The following SDHAF3 variants were observed in gnomAD, a reference collection of about 807,000 sequenced individuals.
SDHAF3 encodes the protein succinate dehydrogenase complex assembly factor 3.
Under a neutral mutation model 11.5 loss-of-function variants are expected in SDHAF3, and 18 were observed. The observed-to-expected ratio is 1.56, with a 90% confidence interval of 1.08 to 2.32. The LOEUF (loss-of-function observed/expected upper bound fraction) is 2.32, where lower values mean the gene tolerates loss of function less well. SDHAF3 is among the 30% of genes most tolerant of loss of function. The probability of loss-of-function intolerance (pLI) is 0.00; values close to 1 mark genes in which losing one functional copy is unlikely to be tolerated. For synonymous variants in SDHAF3, 72 were observed against 59.3 expected, an observed-to-expected ratio of 1.21 and a Z score of -0.99; for missense variants, 200 against 154.4, an observed-to-expected ratio of 1.30 and a Z score of -1.57.
chr7:97,135,600 T>A (rs960650455), intron 1 of SDHAF3: 6 of 142,000 alleles, frequency 4.2e-5, no homozygotes, highest in African/African-American at 1.6e-4. Flanking sequence ...TGTGTGTGTG[T>A]GTCTGTGTGT....
intron 1 of SDHAF3, among the ~76,000 whole-genome samples, chr7:97,166,332 G>T (rs1447710407): frequency 1.3e-5 from 2 of 152,284 alleles, no homozygotes; most frequent in African/African-American, 2.4e-5. Context: ...ATGTACATTG[G>T]TTCAGTCTGG....
rs537116082 is a variant in SDHAF3, at chr7:97,123,593, G to C, written c.174+5696G>C. ...CACACTGTCTTCCACAATGGTTGAAGTAATTTACACTCCCACCAACAGTGT... is the reference window on the plus strand; with the variant it reads ...CACACTGTCTTCCACAATGGTTGAACTAATTTACACTCCCACCAACAGTGT... On this transcript the variant is annotated intron_variant, in intron 1 of 1. Transcript: ENST00000432641. Among the ~76,000 whole-genome samples the C allele has an allele frequency of 9.7e-4, 147 of 152,204 alleles. 1 individual carries two copies. The highest frequency in any genetic ancestry group is 3.4e-3 in the African/African-American group (141 of 41,546).
chr7:97,117,786 T>C lies in SDHAF3; in HGVS notation c.63T>C (p.Arg21=), dbSNP rs746874065. Residue 21 remains arginine, a synonymous_variant, in exon 1 of 2, where the codon CGT becomes CGC. Coordinates refer to ENST00000432641, the MANE Select transcript of SDHAF3 (RefSeq NM_020186.3). ...ALYKRVLQLH[R]VLPPDLKSLG... is the part of the protein sequence containing the mutation. ...ACAAGCGCGTCTTGCAGCTGCACCGTGTTCTGCCCCCGGACCTCAAATCCC... is the reference window on the plus strand; with the variant it reads ...ACAAGCGCGTCTTGCAGCTGCACCGCGTTCTGCCCCCGGACCTCAAATCCC... The C allele has an allele frequency of 6.2e-7, 1 of 1,614,180 alleles. No individual in the cohort carries two copies. Among genetic ancestry groups the C allele is most frequent in the South Asian group, 1.1e-5 (1 of 91,086 alleles).
intron 1 of SDHAF3, among the ~76,000 whole-genome samples, chr7:97,154,304 A>T (rs373182418): frequency 1.3e-5 from 2 of 152,178 alleles, no homozygotes; most frequent in South Asian, 4.1e-4. Flanking sequence ...TCTTTTGTGG[A>T]TCTTCATTTG....
rs1171529073 is a variant in SDHAF3, at chr7:97,162,518, TG to T, written c.175-18491del. On this transcript the variant is annotated intron_variant, in intron 1 of 1. Transcript: ENST00000432641. ...TTTAGATCTTTCCTGCTTTCTCTTG[TG>T]GGCATTTAGTGCCATAAATTTCCCT... Among the ~76,000 whole-genome samples the T allele has an allele frequency of 2.0e-5, 3 of 152,346 alleles. No homozygotes were observed. In the East Asian group the frequency reaches 5.8e-4, roughly 29 times the overall value.
chr7:97,179,575 G>A (rs1039005954), intron 1 of SDHAF3, among the ~76,000 whole-genome samples: 1 of 150,086 alleles, frequency 6.7e-6, no homozygotes, highest in African/African-American at 2.5e-5. Context: ...TTTTTGCCTT[G>A]CCAGGAAACC....
At chr7:97,144,173 G>A (rs1789101887) in intron 1 of SDHAF3, among the ~76,000 whole-genome samples, 1 of 150,654 alleles carries the variant, frequency 6.6e-6, no homozygotes, top group Admixed American at 6.7e-5. Flanking sequence ...TACTCTTTTT[G>A]ATGGGATTGT....
chr7:97,134,567 C>T (rs1158118506), intron 1 of SDHAF3, among the ~76,000 whole-genome samples: 1 of 152,114 alleles, frequency 6.6e-6, no homozygotes, highest in African/African-American at 2.4e-5. Flanking sequence ...CTGCCTCAGC[C>T]CCCCAAGTAG....
chr7:97,134,682 G>T (rs1209371749), intron 1 of SDHAF3, among the ~76,000 whole-genome samples: 1 of 152,176 alleles, frequency 6.6e-6, no homozygotes, highest in Non-Finnish European at 1.5e-5. Flanking sequence ...CCTGACCTCA[G>T]ATGACCCGTC....
At chr7:97,125,698 C>T (rs763598657) in intron 1 of SDHAF3, among the ~76,000 whole-genome samples, 2 of 152,094 alleles carry the variant, frequency 1.3e-5, no homozygotes, top group African/African-American at 4.8e-5. Context: ...CATTTATGTT[C>T]TTCTCTAAAC....
chr7:97,173,064 A>T lies in SDHAF3; in HGVS notation c.175-7948A>T, dbSNP rs554484651. The stretch of plus-strand genomic sequence containing the variant: ...CCTAGATACTTTGCATAGGCAGTTC[A>T]CAATAGGGTTCATGCTCCTGTAAGA... On this transcript the variant is annotated intron_variant, in intron 1 of 1. Transcript: ENST00000432641. Among the ~76,000 whole-genome samples, 156 of 152,294 alleles carry T rather than the reference A, an allele frequency of 1.0e-3. 1 individual carries two copies. Among genetic ancestry groups the T allele is most frequent in the African/African-American group, 3.7e-3 (153 of 41,564 alleles).
intron 1 of SDHAF3, among the ~76,000 whole-genome samples, chr7:97,130,154 C>T (rs1439004611): frequency 6.6e-6 from 1 of 151,942 alleles, no homozygotes; most frequent in East Asian, 1.9e-4. Flanking sequence ...TGCCTGTAAT[C>T]CCAGCTACTC....
intron 1 of SDHAF3, among the ~76,000 whole-genome samples, chr7:97,132,163 A>G (rs544938516): frequency 7.2e-5 from 11 of 152,296 alleles, no homozygotes; most frequent in Admixed American, 2.0e-4. Context: ...TCTTTTTCAC[A>G]AAGGACTTGA....
intron 1 of SDHAF3, chr7:97,136,437 T>C: frequency 1.5e-6 from 1 of 654,216 alleles, no homozygotes; most frequent in Non-Finnish European, 2.8e-6. Context: ...AATTTCTGTT[T>C]CATGTGAAGA....
At chr7:97,146,931 C>T (rs919027655) in intron 1 of SDHAF3, among the ~76,000 whole-genome samples, 5 of 151,882 alleles carry the variant, frequency 3.3e-5, no homozygotes, top group South Asian at 4.2e-4. Context: ...TTAGTAGAGA[C>T]GGGGTTTCAC....
chr7:97,134,666 T>C (rs1791721187), intron 1 of SDHAF3, among the ~76,000 whole-genome samples: 1 of 152,160 alleles, frequency 6.6e-6, no homozygotes, highest in Admixed American at 6.6e-5. Context: ...AGGCTGGTCT[T>C]GAACTCCTGA....
chr7:97,136,466 C>A, intron 1 of SDHAF3: 1 of 649,602 alleles, frequency 1.5e-6, no homozygotes, highest in Non-Finnish European at 2.8e-6. Context: ...TTGGTACTTT[C>A]AGTAAGTAAG....
chr7:97,129,267 TCCTGATTTCCTACCTA>T (rs1200448752), intron 1 of SDHAF3, among the ~76,000 whole-genome samples: 3 of 152,232 alleles, frequency 2.0e-5, no homozygotes, highest in African/African-American at 7.2e-5. Flanking sequence ...TGCTTCCTGC[TCCTGATTTCCTACCTA>T]CCTGGTGTTT....
At chr7:97,132,478 A>G (rs1791685457) in intron 1 of SDHAF3, among the ~76,000 whole-genome samples, 1 of 152,182 alleles carries the variant, frequency 6.6e-6, no homozygotes, top group South Asian at 2.1e-4. Flanking sequence ...ACCTATCATC[A>G]GTGTCATCTA....
Sources: allele counts gnomAD v4.1 joint callset (sites outside exome capture counted in the v4.1 genomes callset), GRCh38; gene constraint gnomAD v4.1.1; transcripts MANE v1.5; gene names NCBI Gene and HGNC (gene_info 2026-07-23, HGNC 2026-07-21).